Variants in TAFA1 observed in about 807,000 individuals in gnomAD.
The protein encoded by TAFA1 is chemokine-like protein TAFA-1.
In TAFA1, 4 loss-of-function variants were observed where a neutral mutation model predicts 18.5. The ratio of observed to expected loss-of-function variants is 0.22; its 90% CI spans 0.11 to 0.49. The LOEUF is 0.49. TAFA1 is among the 20% of genes least tolerant of loss of function. The pLI, the probability that TAFA1 is intolerant of heterozygous loss-of-function variation, is 0.98. For missense variants in TAFA1, 147 were observed against 169.0 expected (o/e 0.87, Z 0.72); for synonymous variants, 56 against 55.2 (o/e 1.01, Z -0.06).
intron 2 of TAFA1, among the ~76,000 whole-genome samples, chr3:68,330,548 T>G (rs1208937913): frequency 6.6e-6 from 1 of 152,240 alleles, no homozygotes; most frequent in East Asian, 1.9e-4. Flanking sequence ...TGCTGTGCTT[T>G]ATGTGTGTTA....
chr3:68,165,758 C>T (rs573009970), intron 2 of TAFA1, among the ~76,000 whole-genome samples: 1 of 152,296 alleles, frequency 6.6e-6, no homozygotes, highest in East Asian at 1.9e-4. Context: ...CAAAACCCTC[C>T]CCTCTTGTCT....
rs1186615254 is a variant in TAFA1 at position 68,479,262 on chromosome 3, A to ATATATG, written c.260-59493_260-59492insATATGT. Among the ~76,000 whole-genome samples, 171 of 147,520 alleles carry ATATATG rather than the reference A, an allele frequency of 1.2e-3. 2 individuals carry two copies. In the East Asian group the frequency reaches 0.015, roughly 13 times the overall value. On this transcript the variant is annotated intron_variant, in intron 3 of 4. Transcript: ENST00000478136. ...AAAAAATATATATATATATATATATATGTCTGTACCCTATAAACTGTAGCT... is the reference window on the plus strand; with the variant it reads ...AAAAAATATATATATATATATATATATATATGTGTCTGTACCCTATAAACTGTAGCT...
At chr3:68,304,117 G>A (rs2068362413) in intron 2 of TAFA1, among the ~76,000 whole-genome samples, 1 of 152,132 alleles carries the variant, frequency 6.6e-6, no homozygotes, top group Admixed American at 6.6e-5. Flanking sequence ...GTGTCTAAAA[G>A]CATGTGAAAG....
At chr3:68,166,231 A>T (rs1159799496) in intron 2 of TAFA1, among the ~76,000 whole-genome samples, 1 of 152,180 alleles carries the variant, frequency 6.6e-6, no homozygotes, top group Admixed American at 6.5e-5. Flanking sequence ...GACAATGGGG[A>T]TACCTAAAAG....
chr3:68,422,125 T>C (rs2070965961), intron 3 of TAFA1, among the ~76,000 whole-genome samples: 1 of 152,150 alleles, frequency 6.6e-6, no homozygotes. Context: ...AGGTATTTTA[T>C]TGAACTAAAA....
intron 3 of TAFA1, among the ~76,000 whole-genome samples, chr3:68,488,664 C>A (rs1043920911): frequency 7.9e-5 from 12 of 152,078 alleles, no homozygotes; most frequent in Admixed American, 6.5e-4. Context: ...ATACCTGCAC[C>A]ACAGGGTTTT....
chr3:68,483,938 G>A (rs1407230050), intron 3 of TAFA1, among the ~76,000 whole-genome samples: 2 of 152,166 alleles, frequency 1.3e-5, no homozygotes, highest in East Asian at 3.9e-4. Flanking sequence ...AGCCACGGAA[G>A]GATTTTAAGC....
chr3:68,366,439 C>T (rs1256163344), intron 2 of TAFA1, among the ~76,000 whole-genome samples: 1 of 152,170 alleles, frequency 6.6e-6, no homozygotes, highest in Non-Finnish European at 1.5e-5. Context: ...CCTTTAACAT[C>T]CTTACACCTA....
At chr3:68,184,479 AAAAG>A (rs1417113754) in intron 2 of TAFA1, among the ~76,000 whole-genome samples, 33 of 152,150 alleles carry the variant, frequency 2.2e-4, no homozygotes, top group African/African-American at 8.0e-4. Flanking sequence ...GTGTGAAAGC[AAAAG>A]AAAGAGAGCT....
At chr3:68,470,476 C>G (rs1289264700) in intron 3 of TAFA1, among the ~76,000 whole-genome samples, 2 of 152,160 alleles carry the variant, frequency 1.3e-5, no homozygotes, top group Non-Finnish European at 2.9e-5. Flanking sequence ...CTGGAACTTC[C>G]TAGAGACTTG....
At chr3:68,328,939 A>G (rs1395223803) in intron 2 of TAFA1, among the ~76,000 whole-genome samples, 2 of 152,038 alleles carry the variant, frequency 1.3e-5, no homozygotes, top group Non-Finnish European at 2.9e-5. Context: ...AGGAAGGCAA[A>G]AACAAAATGG....
chr3:68,036,403 C>T (rs1255989342), intron 2 of TAFA1, among the ~76,000 whole-genome samples: 2 of 139,636 alleles, frequency 1.4e-5, no homozygotes, highest in African/African-American at 2.7e-5. Context: ...TGTGCCACTG[C>T]ACTCCAGCCT....
chr3:68,350,628 T>C (rs1210671839), intron 2 of TAFA1, among the ~76,000 whole-genome samples: 1 of 152,162 alleles, frequency 6.6e-6, no homozygotes, highest in Non-Finnish European at 1.5e-5. Context: ...TTCCTGTTTG[T>C]TTATTGGATG....
chr3:68,294,097 T>C (rs940120406), intron 2 of TAFA1, among the ~76,000 whole-genome samples: 1 of 152,212 alleles, frequency 6.6e-6, no homozygotes, highest in Admixed American at 6.5e-5. Flanking sequence ...TTTTAGGGAA[T>C]ATTTTATAAT....
intron 3 of TAFA1, among the ~76,000 whole-genome samples, chr3:68,477,807 T>C (rs2072132920): frequency 6.6e-6 from 1 of 152,232 alleles, no homozygotes; most frequent in African/African-American, 2.4e-5. Flanking sequence ...AAAGAGGTTC[T>C]ACCAATACTT....
intron 2 of TAFA1, among the ~76,000 whole-genome samples, chr3:68,238,258 G>A (rs1440987898): frequency 6.6e-6 from 1 of 152,138 alleles, no homozygotes; most frequent in East Asian, 1.9e-4. Flanking sequence ...ACTACCATTA[G>A]GGCTGAGGTA....
At chr3:68,404,994 T>C (rs2070569486) in intron 2 of TAFA1, among the ~76,000 whole-genome samples, 1 of 152,122 alleles carries the variant, frequency 6.6e-6, no homozygotes, top group African/African-American at 2.4e-5. Flanking sequence ...TGTTCCATTT[T>C]TTCCATTGGA....
intron 2 of TAFA1, among the ~76,000 whole-genome samples, chr3:68,245,119 G>A (rs988571624): frequency 6.6e-6 from 1 of 152,176 alleles, no homozygotes; most frequent in African/African-American, 2.4e-5. Flanking sequence ...TCAGCTGGAG[G>A]TTTGGAGACT....
chr3:68,523,642 A>C (rs1339348999), intron 3 of TAFA1, among the ~76,000 whole-genome samples: 1 of 152,214 alleles, frequency 6.6e-6, no homozygotes, highest in Non-Finnish European at 1.5e-5. Context: ...ATATACTAAA[A>C]TAACACTCTT....
Sources: gnomAD v4.1 joint callset for allele counts (sites outside exome capture counted in the v4.1 genomes callset) on GRCh38, gnomAD v4.1.1 for gene constraint, MANE v1.5 for transcripts, NCBI Gene and HGNC (gene_info 2026-07-23, HGNC 2026-07-21) for gene names.